CNTN5: variants seen among roughly 807,000 people sequenced by gnomAD.
CNTN5 encodes contactin-5.
A neutral mutation model predicts 129.1 loss-of-function variants in CNTN5; 77 were observed. The ratio of observed to expected loss-of-function variants is 0.60; its 90% CI spans 0.50 to 0.72. The LOEUF (loss-of-function observed/expected upper bound fraction) is 0.72. Among genes scored for constraint, CNTN5 ranks in the 30% least tolerant of loss-of-function variants. The pLI, the probability that CNTN5 is intolerant of heterozygous loss-of-function variation, is 0.00. For synonymous variants in CNTN5, 509 were observed against 465.6 expected, an observed-to-expected ratio of 1.09 and a Z score of -1.20; for missense variants, 1,478 against 1,328.8, an observed-to-expected ratio of 1.11 and a Z score of -1.75.
chr11:100,305,775 G>T (rs1490420496), intron 20 of CNTN5, among the ~76,000 whole-genome samples: 2 of 151,516 alleles, frequency 1.3e-5, no homozygotes. Context: ...GGGAAAATCT[G>T]ACAGAGGTCA....
At chr11:100,111,637 C>T (rs1447949487) in intron 13 of CNTN5, among the ~76,000 whole-genome samples, 2 of 152,146 alleles carry the variant, frequency 1.3e-5, no homozygotes, top group Non-Finnish European at 2.9e-5. Context: ...TTTATTCTTA[C>T]TGTGATAAGA....
At chr11:99,372,382 A>T (rs1335130850) in intron 2 of CNTN5, among the ~76,000 whole-genome samples, 1 of 152,242 alleles carries the variant, frequency 6.6e-6, no homozygotes, top group Non-Finnish European at 1.5e-5. Flanking sequence ...AAATGAAACT[A>T]CTGTTTTAGA....
chr11:100,059,256 C>A (rs1232367830), intron 9 of CNTN5, among the ~76,000 whole-genome samples: 1 of 152,002 alleles, frequency 6.6e-6, no homozygotes, highest in Admixed American at 6.6e-5. Context: ...GGTGAGAGAT[C>A]CAAACATTTT....
intron 3 of CNTN5, among the ~76,000 whole-genome samples, chr11:99,733,311 G>A (rs1353651068): frequency 7.5e-6 from 1 of 132,660 alleles, no homozygotes; most frequent in Admixed American, 7.6e-5. Flanking sequence ...GACAGAGAGA[G>A]ATTCTGTCTC....
intron 1 of CNTN5, among the ~76,000 whole-genome samples, chr11:99,075,520 C>T (rs534373976): frequency 1.3e-5 from 2 of 152,110 alleles, no homozygotes; most frequent in South Asian, 4.1e-4. Context: ...AAATTAGAAA[C>T]AACATTTCAA....
intron 6 of CNTN5, among the ~76,000 whole-genome samples, chr11:99,865,992 G>A (rs1948345525): frequency 6.6e-6 from 1 of 151,940 alleles, no homozygotes; most frequent in African/African-American, 2.4e-5. Context: ...TGTTTTTCTC[G>A]AGAATTTGTG....
chr11:99,273,532 G>C (rs142684140), intron 1 of CNTN5, among the ~76,000 whole-genome samples: 1 of 151,648 alleles, frequency 6.6e-6, no homozygotes, highest in Non-Finnish European at 1.5e-5. Flanking sequence ...CGATCGGAAT[G>C]AGAAAAGAAA....
At chr11:99,848,021 G>T (rs905734338) in intron 6 of CNTN5, among the ~76,000 whole-genome samples, 1 of 152,146 alleles carries the variant, frequency 6.6e-6, no homozygotes, top group African/African-American at 2.4e-5. Flanking sequence ...GACCATCCTG[G>T]CGAACACGGT....
intron 1 of CNTN5, among the ~76,000 whole-genome samples, chr11:99,230,211 A>T (rs922889325): frequency 6.6e-6 from 1 of 152,006 alleles, no homozygotes; most frequent in Non-Finnish European, 1.5e-5. Flanking sequence ...AAGACTACAT[A>T]TTGTTTCTCT....
At chr11:100,237,199 A>G (rs1338636446) in intron 16 of CNTN5, among the ~76,000 whole-genome samples, 1 of 151,650 alleles carries the variant, frequency 6.6e-6, no homozygotes, top group African/African-American at 2.4e-5. Context: ...AAAAAAAAAA[A>G]AAAAAAAAAG....
At chr11:99,475,921 T>A (rs1181403961) in intron 2 of CNTN5, among the ~76,000 whole-genome samples, 1 of 152,240 alleles carries the variant, frequency 6.6e-6, no homozygotes, top group Admixed American at 6.5e-5. Flanking sequence ...CTCCCCTTCT[T>A]TTCCTCTTTT....
intron 13 of CNTN5, among the ~76,000 whole-genome samples, chr11:100,113,488 AAAACAAGC>A (rs1056888379): frequency 6.6e-6 from 1 of 150,658 alleles, no homozygotes; most frequent in Non-Finnish European, 1.5e-5. Flanking sequence ...GAAAAAGAAA[AAAACAAGC>A]AAACAAACAA....
chr11:100,216,576 C>G (rs986985801), intron 15 of CNTN5, among the ~76,000 whole-genome samples: 2 of 151,634 alleles, frequency 1.3e-5, no homozygotes, highest in African/African-American at 4.8e-5. Flanking sequence ...TTTCTTGATA[C>G]TAGATAAGTG....
intron 1 of CNTN5, among the ~76,000 whole-genome samples, chr11:99,089,593 C>T (rs1866154186): frequency 6.6e-6 from 1 of 152,094 alleles, no homozygotes; most frequent in Non-Finnish European, 1.5e-5. Flanking sequence ...TATATCGTTG[C>T]TGAAGAAAGT....
Position 100,297,655 on chromosome 11 carries a change from G to A in CNTN5, c.2345G>A (p.Gly782Glu), listed in dbSNP as rs200401604. ...VPKTAPTNVS[G>E]RSGRRHELVI... is the part of the protein sequence containing the mutation. ...AAGACAGCACCCACCAATGTAAGCG[G>A]AAGAAGTGGAAGAAGGCATGAGTTA... Residue 782 changes from glycine to glutamate, a missense_variant, in exon 19 of 25, where the codon GGA (glycine) becomes GAA (glutamate). By Grantham distance (98) the Gly-to-Glu change is moderately conservative. Transcript: ENST00000524871. The A allele has an allele frequency of 1.2e-5, 20 of 1,605,514 alleles. No homozygotes were observed. The highest frequency in any genetic ancestry group is 1.1e-4 in the East Asian group (5 of 44,628).
intron 17 of CNTN5, among the ~76,000 whole-genome samples, chr11:100,268,958 C>T (rs1355331064): frequency 6.6e-6 from 1 of 152,012 alleles, no homozygotes; most frequent in Non-Finnish European, 1.5e-5. Flanking sequence ...AGTCTGAAAT[C>T]TAGGGAAGAG....
chr11:100,185,606 C>T (rs1043251843), intron 13 of CNTN5, among the ~76,000 whole-genome samples: 10 of 152,268 alleles, frequency 6.6e-5, no homozygotes, highest in Admixed American at 5.2e-4. Context: ...TGAACTGTGT[C>T]CTCCCAAAAT....
At chr11:99,628,824 G>A (rs990186349) in intron 3 of CNTN5, among the ~76,000 whole-genome samples, 1 of 151,762 alleles carries the variant, frequency 6.6e-6, no homozygotes, top group Non-Finnish European at 1.5e-5. Context: ...CTAAATAATG[G>A]CCTTCCCTTA....
At chr11:99,221,260 T>A (rs984520953) in intron 1 of CNTN5, among the ~76,000 whole-genome samples, 2 of 151,996 alleles carry the variant, frequency 1.3e-5, no homozygotes, top group Non-Finnish European at 2.9e-5. Flanking sequence ...ATTTAATATA[T>A]TTCTAATTCA....
Sources: gnomAD v4.1 joint callset for allele counts (sites outside exome capture counted in the v4.1 genomes callset) on GRCh38, gnomAD v4.1.1 for gene constraint, MANE v1.5 for transcripts, NCBI Gene and HGNC (gene_info 2026-07-23, HGNC 2026-07-21) for gene names.